The following TRDN variants were observed in gnomAD, a reference collection of about 807,000 sequenced individuals.
TRDN encodes the protein triadin in skeletal muscle.
In TRDN, 161 loss-of-function variants were observed where a neutral mutation model predicts 149.7. That is an observed-to-expected ratio of 1.08 (90% CI 0.95 to 1.23). The LOEUF is 1.23. Among genes scored for constraint, TRDN ranks in the 50% most tolerant of loss-of-function variants. The pLI is 0.00. For missense variants in TRDN, 896 were observed against 823.5 expected (o/e 1.09, Z -1.08); for synonymous variants, 294 against 250.5 (o/e 1.17, Z -1.64).
intron 10 of TRDN, among the ~76,000 whole-genome samples, chr6:123,461,387 T>C (rs1776440013): frequency 6.6e-6 from 1 of 152,198 alleles, no homozygotes; most frequent in Non-Finnish European, 1.5e-5. Flanking sequence ...TACTTGATAG[T>C]AATTCACCTT....
At chr6:123,426,508 T>A (rs1279493356) in intron 12 of TRDN, among the ~76,000 whole-genome samples, 1 of 152,152 alleles carries the variant, frequency 6.6e-6, no homozygotes, top group Non-Finnish European at 1.5e-5. Context: ...TATACATATT[T>A]TTAGAGGGAA....
chr6:123,579,216 G>T (rs1310043409), intron 1 of TRDN, among the ~76,000 whole-genome samples: 1 of 152,094 alleles, frequency 6.6e-6, no homozygotes, highest in Non-Finnish European at 1.5e-5. Context: ...ATTTTCTTGT[G>T]CTGGTTTTCA....
chr6:123,496,813 T>C (rs768299098), intron 9 of TRDN, among the ~76,000 whole-genome samples: 1 of 152,094 alleles, frequency 6.6e-6, no homozygotes, highest in African/African-American at 2.4e-5. Context: ...GATTTTAATA[T>C]GAATTGTGTT....
At chr6:123,563,967 G>A (rs890690579) in intron 2 of TRDN, among the ~76,000 whole-genome samples, 1 of 152,074 alleles carries the variant, frequency 6.6e-6, no homozygotes, top group African/African-American at 2.4e-5. Context: ...ACAATATCCG[G>A]TTTTACCACA....
intron 2 of TRDN, among the ~76,000 whole-genome samples, chr6:123,562,224 G>T (rs1782041254): frequency 6.6e-6 from 1 of 152,044 alleles, no homozygotes; most frequent in African/African-American, 2.4e-5. Flanking sequence ...TTATAAAATG[G>T]CCGCATCCCT....
chr6:123,283,994 ATATATATATG>A (rs1397806249), intron 24 of TRDN, among the ~76,000 whole-genome samples: 7 of 112,232 alleles, frequency 6.2e-5, no homozygotes, highest in Non-Finnish European at 1.1e-4. Flanking sequence ...ACATATATAT[ATATATATATG>A]TAACAAACCT....
chr6:123,458,786 T>A (rs1261202418), intron 10 of TRDN, among the ~76,000 whole-genome samples: 1 of 152,074 alleles, frequency 6.6e-6, no homozygotes, highest in East Asian at 1.9e-4. Context: ...CTAACCTTTG[T>A]ATGACAGTGT....
chr6:123,236,322 T>G (rs1056251784), intron 38 of TRDN, among the ~76,000 whole-genome samples: 3 of 152,242 alleles, frequency 2.0e-5, no homozygotes, highest in South Asian at 4.1e-4. Flanking sequence ...TGGTGAACTA[T>G]GTGTTAAAAT....
At chr6:123,375,709 T>A in intron 18 of TRDN, 78 bp from the exon 19 acceptor site, 1 of 1,165,136 alleles carries the variant, frequency 8.6e-7, no homozygotes, top group Non-Finnish European at 1.2e-6. Flanking sequence ...TGTAAGGTTA[T>A]CTTAATTGTT....
intron 4 of TRDN, among the ~76,000 whole-genome samples, chr6:123,545,526 G>C (rs188404806): frequency 2.0e-5 from 3 of 151,858 alleles, no homozygotes; most frequent in Admixed American, 1.3e-4. Context: ...ACCCAAGATA[G>C]AGCATCTGAG....
chr6:123,478,093 A>G (rs1186353480), intron 9 of TRDN, among the ~76,000 whole-genome samples: 4 of 152,074 alleles, frequency 2.6e-5, no homozygotes, highest in Non-Finnish European at 4.4e-5. Flanking sequence ...CCAAAAAAAA[A>G]AAAACCTAAT....
chr6:123,375,526 T>C, intron 19 of TRDN, 79 bp downstream of exon 19: 1 of 1,246,722 alleles, frequency 8.0e-7, no homozygotes, highest in East Asian at 2.8e-5. Flanking sequence ...AAAATTAGCA[T>C]TAGCATAGTC....
chr6:123,402,026 T>G (rs943789059), intron 12 of TRDN, among the ~76,000 whole-genome samples: 1 of 150,856 alleles, frequency 6.6e-6, no homozygotes, highest in East Asian at 1.9e-4. Flanking sequence ...AGCTGCAGAG[T>G]GAATGACAAT....
chr6:123,298,373 T>C (rs1015364535), intron 24 of TRDN, among the ~76,000 whole-genome samples: 1 of 152,036 alleles, frequency 6.6e-6, no homozygotes, highest in Non-Finnish European at 1.5e-5. Flanking sequence ...CATTTCAACA[T>C]ACCATGCCCA....
intron 1 of TRDN, among the ~76,000 whole-genome samples, chr6:123,587,641 C>T (rs1433172500): frequency 6.6e-6 from 1 of 152,036 alleles, no homozygotes; most frequent in Admixed American, 6.6e-5. Flanking sequence ...CACCAACAGG[C>T]TTTGTGTGAG....
chr6:123,261,508 T>C (rs985448365), intron 33 of TRDN, among the ~76,000 whole-genome samples: 1 of 151,690 alleles, frequency 6.6e-6, no homozygotes, highest in Non-Finnish European at 1.5e-5. Context: ...GAAAGTTTTT[T>C]TTAAAAAAAA....
intron 12 of TRDN, among the ~76,000 whole-genome samples, chr6:123,433,162 A>ATATATATAAT (rs796874348): frequency 2.5e-5 from 2 of 80,034 alleles, no homozygotes; most frequent in African/African-American, 4.7e-5. Context: ...ATATATATAT[A>ATATATATAAT]ATATATATAT....
chr6:123,367,937 A>C (rs1420944802), intron 19 of TRDN, among the ~76,000 whole-genome samples: 1 of 152,156 alleles, frequency 6.6e-6, no homozygotes. Context: ...AACAGAGTCC[A>C]TATGGCTCTG....
At chr6:123,461,345 C>T (rs1297313389) in intron 10 of TRDN, among the ~76,000 whole-genome samples, 1 of 152,102 alleles carries the variant, frequency 6.6e-6, no homozygotes, top group Admixed American at 6.6e-5. Context: ...AGACTAAGTA[C>T]TAGTTATATA....
Sources: allele counts gnomAD v4.1 joint callset (sites outside exome capture counted in the v4.1 genomes callset), GRCh38; gene constraint gnomAD v4.1.1; transcripts MANE v1.5; gene names NCBI Gene and HGNC (gene_info 2026-07-23, HGNC 2026-07-21).